The following BCHE variants were observed in gnomAD, a reference collection of about 807,000 sequenced individuals.
BCHE encodes the protein cholinesterase.
In BCHE, 48 loss-of-function variants were observed where a neutral mutation model predicts 51.3. That is an observed-to-expected ratio of 0.94 (90% CI 0.74 to 1.19). The LOEUF (loss-of-function observed/expected upper bound fraction) is 1.19, where lower values mean the gene tolerates loss of function less well. BCHE is among the 50% of genes most tolerant of loss of function. The pLI is 0.00. For missense variants in BCHE, 847 were observed against 708.2 expected (o/e 1.20, Z -2.23); for synonymous variants, 251 against 238.0 (o/e 1.05, Z -0.50).
intron 2 of BCHE, among the ~76,000 whole-genome samples, chr3:165,789,768 A>G (rs904572891): frequency 2.0e-5 from 3 of 152,114 alleles, no homozygotes; most frequent in Non-Finnish European, 4.4e-5. Flanking sequence ...ATGATATTCT[A>G]TTGTAAAATA....
intron 2 of BCHE, among the ~76,000 whole-genome samples, chr3:165,823,044 G>A (rs1053881974): frequency 6.6e-6 from 1 of 152,002 alleles, no homozygotes; most frequent in East Asian, 1.9e-4. Context: ...AAAATTTTAA[G>A]TTCATTTCTA....
At chr3:165,820,269 A>G (rs1463083327) in intron 2 of BCHE, among the ~76,000 whole-genome samples, 1 of 152,080 alleles carries the variant, frequency 6.6e-6, no homozygotes, top group Non-Finnish European at 1.5e-5. Flanking sequence ...GCACTCTGAA[A>G]TGGTTCTGAA....
chr3:165,797,345 A>C (rs1454630134), intron 2 of BCHE, among the ~76,000 whole-genome samples: 1 of 21,030 alleles, frequency 4.8e-5, no homozygotes, highest in African/African-American at 1.8e-4. Context: ...CCCTCCCTCC[A>C]GTCTCTCCTT....
chr3:165,803,274 C>G (rs1019513869), intron 2 of BCHE, among the ~76,000 whole-genome samples: 2 of 152,052 alleles, frequency 1.3e-5, no homozygotes, highest in African/African-American at 2.4e-5. Context: ...TTAGAGCTTA[C>G]ATGTTGGTGA....
intron 3 of BCHE, among the ~76,000 whole-genome samples, chr3:165,780,062 A>T (rs1347644472): frequency 6.6e-6 from 1 of 152,180 alleles, no homozygotes; most frequent in East Asian, 1.9e-4. Flanking sequence ...ACCAAAAGAG[A>T]CATATAGACC....
chr3:165,805,568 G>A (rs7637512), intron 2 of BCHE, among the ~76,000 whole-genome samples: 287 of 152,188 alleles, frequency 1.9e-3, no homozygotes, highest in African/African-American at 6.7e-3. Flanking sequence ...TCATATGCAC[G>A]TAGGCAGATG....
chr3:165,833,610 A>G (rs190064635), intron 1 of BCHE, among the ~76,000 whole-genome samples: 1 of 152,248 alleles, frequency 6.6e-6, no homozygotes, highest in African/African-American at 2.4e-5. Flanking sequence ...TAAATAAGTA[A>G]AATATAACAA....
chr3:165,787,300 C>G (rs1042820400), intron 2 of BCHE, among the ~76,000 whole-genome samples: 4 of 151,820 alleles, frequency 2.6e-5, no homozygotes, highest in Non-Finnish European at 5.9e-5. Flanking sequence ...TACACAGTCA[C>G]TACATCTGTA....
intron 2 of BCHE, among the ~76,000 whole-genome samples, chr3:165,813,750 T>G (rs946404847): frequency 1.3e-5 from 2 of 151,966 alleles, no homozygotes; most frequent in African/African-American, 4.8e-5. Context: ...GATAATCATT[T>G]ATCTGACTCT....
chr3:165,811,075 G>T (rs1714075078), intron 2 of BCHE, among the ~76,000 whole-genome samples: 2 of 152,040 alleles, frequency 1.3e-5, no homozygotes, highest in Admixed American at 1.3e-4. Context: ...TAAGACGCAA[G>T]AAATCTTTAT....
chr3:165,802,818 T>C (rs1165471572), intron 2 of BCHE, among the ~76,000 whole-genome samples: 2 of 152,152 alleles, frequency 1.3e-5, no homozygotes, highest in African/African-American at 2.4e-5. Flanking sequence ...CTCGGCTCAC[T>C]GCAAGCTCCG....
intron 3 of BCHE, among the ~76,000 whole-genome samples, chr3:165,779,523 G>A (rs115680104): frequency 0.017 from 2,566 of 152,148 alleles, 70 homozygotes; most frequent in African/African-American, 0.058. Context: ...AAACCCCATC[G>A]TCTTAGCCCA....
rs141299594 is a variant in BCHE, at chr3:165,785,127, C to T, written c.1684+1018G>A. On this transcript the variant is annotated intron_variant, in intron 3 of 3. Transcript: ENST00000264381. ...ATAATCAAAAGGCATATTAAGCAATCAAATACAGCTCTGAGATGCCCATAT... is the reference window on the plus strand; with the variant it reads ...ATAATCAAAAGGCATATTAAGCAATTAAATACAGCTCTGAGATGCCCATAT... Among the ~76,000 whole-genome samples, 77 of 151,890 alleles carry T rather than the reference C, an allele frequency of 5.1e-4. 3 individuals are homozygous for T. In the East Asian group the frequency reaches 0.012, roughly 23 times the overall value.
In BCHE at chr3:165,830,124, C is replaced by T; in HGVS notation, c.910G>A (p.Glu304Lys). Residue 304 changes from glutamate to lysine, a missense_variant, in exon 2 of 4, where the codon GAA becomes AAA. Transcript: ENST00000264381. Reference protein sequence around the residue: ...NKDPQEILLNEAFVVPYGTPL... With the variant: ...NKDPQEILLNKAFVVPYGTPL... ...GTCCCATAGGGGACAACAAATGCTT[C>T]ATTCAGAAGAATTTCTTGGGGATCT... is the stretch of plus-strand genomic sequence containing the variant. 1 of 1,613,870 alleles carries T rather than the reference C, an allele frequency of 6.2e-7. No individual in the cohort carries two copies. The highest frequency in any genetic ancestry group is 8.5e-7 in the Non-Finnish European group (1 of 1,179,886).
At chr3:165,834,854 TTCTTTTAA>T (rs750777348) in intron 1 of BCHE, among the ~76,000 whole-genome samples, 2 of 152,028 alleles carry the variant, frequency 1.3e-5, no homozygotes, top group East Asian at 1.9e-4. Flanking sequence ...TTGATCGTTT[TTCTTTTAA>T]TAAATTCTGG....
chr3:165,794,257 T>C (rs1206521617), intron 2 of BCHE, among the ~76,000 whole-genome samples: 1 of 152,182 alleles, frequency 6.6e-6, no homozygotes, highest in East Asian at 1.9e-4. Flanking sequence ...TTTGTTAGTT[T>C]TATAAAACCT....
At chr3:165,797,301 C>A (rs1412998354) in intron 2 of BCHE, among the ~76,000 whole-genome samples, 1 of 4,576 alleles carries the variant, frequency 2.2e-4, no homozygotes, top group African/African-American at 5.1e-4. Context: ...TCCTCCCTCC[C>A]TCCCCCCCTT....
chr3:165,798,762 A>G (rs4680662), intron 2 of BCHE, among the ~76,000 whole-genome samples: 97,848 of 151,932 alleles, frequency 0.64, 33,946 homozygotes, highest in East Asian at 0.78. Context: ...ACTGAGTTAG[A>G]AGGATTTCTT....
chr3:165,808,070 G>A (rs572873782), intron 2 of BCHE, among the ~76,000 whole-genome samples: 1 of 151,786 alleles, frequency 6.6e-6, no homozygotes, highest in Non-Finnish European at 1.5e-5. Flanking sequence ...TGCAAACTCC[G>A]CCTCAAGAGT....
Sources: gnomAD v4.1 joint callset for allele counts (sites outside exome capture counted in the v4.1 genomes callset) on GRCh38, gnomAD v4.1.1 for gene constraint, MANE v1.5 for transcripts, NCBI Gene and HGNC (gene_info 2026-07-23, HGNC 2026-07-21) for gene names.